RBFOX1: variants seen among roughly 807,000 people sequenced by gnomAD.
RBFOX1 encodes RNA binding protein fox-1 homolog 1.
A neutral mutation model predicts 57.7 loss-of-function variants in RBFOX1; 8 were observed. The observed-to-expected ratio is 0.14, with a 90% CI of 0.08 to 0.25. The LOEUF is 0.25. RBFOX1 is among the 10% of genes least tolerant of loss of function. The pLI is 1.00. For synonymous variants in RBFOX1, 326 were observed against 222.4 expected, an observed-to-expected ratio of 1.47 and a Z score of -4.15; for missense variants, 611 against 548.5, an observed-to-expected ratio of 1.11 and a Z score of -1.14.
chr16:7,689,594 A>C (rs1453159281), intron 14 of RBFOX1, among the ~76,000 whole-genome samples: 1 of 152,106 alleles, frequency 6.6e-6, no homozygotes, highest in Non-Finnish European at 1.5e-5. Context: ...ACCTTGAATG[A>C]GCACTCTAGG....
chr16:5,435,839 C>A (rs534606792), intron 1 of RBFOX1, among the ~76,000 whole-genome samples: 1 of 152,350 alleles, frequency 6.6e-6, no homozygotes, highest in South Asian at 2.1e-4. Context: ...TGTGCATAAT[C>A]TATTCAGTTA....
rs368680908 is a variant in RBFOX1, at chr16:6,817,696, C to G, written c.-16+163046C>G. 8.6e-5 allele frequency among the ~76,000 whole-genome samples: 13 copies of G among 151,790 alleles called. No individual in the cohort carries two copies. In the East Asian group the frequency reaches 2.1e-3, roughly 25 times the overall value. ...CCAGCCTGGGCGACAGAGCCAAACT[C>G]TGTCTCAAAGAAAAAAAAAACAAAC... On this transcript the variant is annotated intron_variant, in intron 3 of 15. Coordinates refer to ENST00000550418, the MANE Select transcript of RBFOX1 (RefSeq NM_018723.4).
At chr16:7,575,488 G>C (rs1288771062) in intron 5 of RBFOX1, among the ~76,000 whole-genome samples, 1 of 152,100 alleles carries the variant, frequency 6.6e-6, no homozygotes, top group Non-Finnish European at 1.5e-5. Flanking sequence ...CACCCCCGCA[G>C]AGGGAAGTAG....
intron 4 of RBFOX1, among the ~76,000 whole-genome samples, chr16:7,408,479 G>A (rs1038361448): frequency 2.0e-5 from 3 of 152,144 alleles, no homozygotes; most frequent in Non-Finnish European, 2.9e-5. Flanking sequence ...AAATTATAAC[G>A]TCTGTTTGAT....
intron 1 of RBFOX1, among the ~76,000 whole-genome samples, chr16:5,403,221 A>C (rs533340821): frequency 8.6e-4 from 130 of 151,958 alleles, no homozygotes; most frequent in African/African-American, 2.7e-3. Context: ...GTGGTGGTGC[A>C]TGCTTGTAAT....
intron 4 of RBFOX1, among the ~76,000 whole-genome samples, chr16:7,159,005 C>A (rs1485883345): frequency 6.6e-6 from 1 of 151,634 alleles, no homozygotes; most frequent in Non-Finnish European, 1.5e-5. Context: ...CTCAGATTCC[C>A]CCCATTTCTC....
chr16:6,967,743 A>G (rs1162558270), intron 3 of RBFOX1, among the ~76,000 whole-genome samples: 2 of 152,072 alleles, frequency 1.3e-5, no homozygotes, highest in South Asian at 2.1e-4. Flanking sequence ...GTTTGTGCCC[A>G]TCTGCCCGTG....
At chr16:5,716,496 C>T (rs1186364946) in intron 3 of RBFOX1, among the ~76,000 whole-genome samples, 2 of 152,212 alleles carry the variant, frequency 1.3e-5, no homozygotes, top group Non-Finnish European at 2.9e-5. Context: ...CAAATCAAAA[C>T]TGCAATTAGA....
rs564165246 is a variant in RBFOX1, at chr16:7,693,653, A to G, written c.996-15403A>G. The stretch of plus-strand genomic sequence containing the variant: ...AATCCACAAGAAAATCTTACAGTAT[A>G]ATCAGTGCTCTTATGGTAAAATAGG... On this transcript the variant is annotated intron_variant, in intron 14 of 15. Transcript: ENST00000550418. 3.9e-5 allele frequency among the ~76,000 whole-genome samples: 6 copies of G among 152,212 alleles called. No individual in the cohort carries two copies. The East Asian group carries it at 1.2e-3, about 29-fold the overall frequency.
chr16:6,207,003 G>C (rs1299768449), intron 1 of RBFOX1, among the ~76,000 whole-genome samples: 1 of 142,184 alleles, frequency 7.0e-6, no homozygotes, highest in East Asian at 2.0e-4. Flanking sequence ...TTTTTTTCAG[G>C]TGCACTTGCT....
chr16:7,700,205 G>A lies in RBFOX1; in HGVS notation c.996-8851G>A, dbSNP rs182998825. ...CTGGGGCTTTACCGGGAAGCTCACT[G>A]ATCCCACATAAAATAGACGAGAGGC... On this transcript the variant is annotated intron_variant, in intron 14 of 15. Coordinates refer to ENST00000550418, the MANE Select transcript of RBFOX1 (RefSeq NM_018723.4). 2.0e-5 allele frequency among the ~76,000 whole-genome samples: 3 copies of A among 152,242 alleles called. No individual in the cohort carries two copies. In the East Asian group the frequency reaches 5.8e-4, roughly 29 times the overall value.
chr16:6,380,133 T>A (rs1047981840), intron 2 of RBFOX1, among the ~76,000 whole-genome samples: 2 of 151,104 alleles, frequency 1.3e-5, no homozygotes, highest in African/African-American at 4.9e-5. Flanking sequence ...GTGGGGGAGG[T>A]TGAAGATGGG....
At chr16:5,690,759 G>T (rs1376872080) in intron 3 of RBFOX1, among the ~76,000 whole-genome samples, 2 of 152,152 alleles carry the variant, frequency 1.3e-5, no homozygotes, top group African/African-American at 2.4e-5. Flanking sequence ...CTTTCTCTAA[G>T]AAGCTGTGTT....
chr16:7,305,557 A>G (rs540726709), intron 4 of RBFOX1, among the ~76,000 whole-genome samples: 1 of 152,334 alleles, frequency 6.6e-6, no homozygotes, highest in Admixed American at 6.5e-5. Flanking sequence ...ACCATTTGTT[A>G]ACATGAGTGT....
intron 3 of RBFOX1, among the ~76,000 whole-genome samples, chr16:5,844,719 T>G (rs1412813540): frequency 6.6e-6 from 1 of 152,248 alleles, no homozygotes; most frequent in South Asian, 2.1e-4. Flanking sequence ...TAGTCATTAT[T>G]AAACATTTTG....
At chr16:7,682,448 T>G (rs1016483773) in intron 14 of RBFOX1, among the ~76,000 whole-genome samples, 2 of 151,774 alleles carry the variant, frequency 1.3e-5, no homozygotes, top group Non-Finnish European at 2.9e-5. Context: ...CTTGCAAGTT[T>G]GAGTCTAGGC....
intron 4 of RBFOX1, among the ~76,000 whole-genome samples, chr16:7,204,778 T>C (rs2089561032): frequency 6.6e-6 from 1 of 152,172 alleles, no homozygotes; most frequent in South Asian, 2.1e-4. Flanking sequence ...CCTTTCTCTT[T>C]TCCTTCTTTT....
At chr16:7,102,042 C>T (rs1235448541) in intron 4 of RBFOX1, among the ~76,000 whole-genome samples, 1 of 152,120 alleles carries the variant, frequency 6.6e-6, no homozygotes, top group Non-Finnish European at 1.5e-5. Flanking sequence ...GTGTTTGCAC[C>T]CATGCTGGGC....
At chr16:7,165,933 T>TACACACACACACACAC (rs889669390) in intron 4 of RBFOX1, among the ~76,000 whole-genome samples, 3 of 143,156 alleles carry the variant, frequency 2.1e-5, no homozygotes, top group Non-Finnish European at 4.5e-5. Context: ...CGCATGCACA[T>TACACACACACACACAC]ACACACACAC....
Sources: gnomAD v4.1 joint callset for allele counts (sites outside exome capture counted in the v4.1 genomes callset) on GRCh38, gnomAD v4.1.1 for gene constraint, MANE v1.5 for transcripts, NCBI Gene and HGNC (gene_info 2026-07-23, HGNC 2026-07-21) for gene names.